MACROD2: variants seen among roughly 807,000 people sequenced by gnomAD.
The protein encoded by MACROD2 is mono-ADP ribosylhydrolase 2.
MACROD2 carries 36 observed loss-of-function variants against 70.4 expected under a neutral mutation model. That is an observed-to-expected ratio of 0.51 (90% CI 0.39 to 0.68). The LOEUF is 0.68. Among genes scored for constraint, MACROD2 ranks in the 30% least tolerant of loss-of-function variants. The pLI is 0.00. For missense variants in MACROD2, 496 were observed against 538.4 expected (o/e 0.92, Z 0.78); for synonymous variants, 172 against 178.8 (o/e 0.96, Z 0.30).
intron 5 of MACROD2, among the ~76,000 whole-genome samples, chr20:14,776,602 A>G (rs1204065355): frequency 2.0e-5 from 3 of 152,118 alleles, no homozygotes; most frequent in African/African-American, 7.2e-5. Context: ...TGATGAACCC[A>G]TTAGATGCCT....
intron 3 of MACROD2, among the ~76,000 whole-genome samples, chr20:14,244,969 C>A: frequency 6.6e-6 from 1 of 152,146 alleles, no homozygotes; most frequent in African/African-American, 2.4e-5. Context: ...CTGCTTTCAG[C>A]CATAGAGAAA....
intron 8 of MACROD2, among the ~76,000 whole-genome samples, chr20:15,834,518 C>G (rs537932765): frequency 6.6e-6 from 1 of 152,280 alleles, no homozygotes; most frequent in Non-Finnish European, 1.5e-5. Context: ...TCACCCCTCT[C>G]CCTTTGTGCT....
At chr20:15,917,619 C>T (rs573751827) in intron 10 of MACROD2, among the ~76,000 whole-genome samples, 1 of 152,192 alleles carries the variant, frequency 6.6e-6, no homozygotes, top group African/African-American at 2.4e-5. Context: ...CAGCATGCCT[C>T]GTGAATGACA....
At chr20:15,014,868 G>A (rs1160409610) in intron 5 of MACROD2, among the ~76,000 whole-genome samples, 1 of 151,990 alleles carries the variant, frequency 6.6e-6, no homozygotes, top group Admixed American at 6.6e-5. Context: ...ATATGATATT[G>A]ATGTTGTCCA....
Position 15,936,012 on chromosome 20 carries a change from T to C in MACROD2, c.839-1464T>C, listed in dbSNP as rs146049522. On this transcript the variant is annotated intron_variant, in intron 11 of 17. Transcript: ENST00000684519. ...AGGACACCTGACCTGCAAGTAATAG[T>C]ACATGCATCATGGACAAAAGATAGG... is the stretch of plus-strand genomic sequence containing the variant. Among the ~76,000 whole-genome samples the C allele has an allele frequency of 1.8e-3, 275 of 152,246 alleles. 2 individuals are homozygous for C. Among genetic ancestry groups the C allele is most frequent in the African/African-American group, 6.3e-3 (260 of 41,542 alleles).
At chr20:14,416,962 C>T (rs938459593) in intron 3 of MACROD2, among the ~76,000 whole-genome samples, 2 of 152,156 alleles carry the variant, frequency 1.3e-5, no homozygotes, top group African/African-American at 4.8e-5. Flanking sequence ...GCTTCAAAAA[C>T]TTTTAGCAAC....
At chr20:15,024,547 A>G (rs2075214980) in intron 5 of MACROD2, among the ~76,000 whole-genome samples, 2 of 152,032 alleles carry the variant, frequency 1.3e-5, no homozygotes, top group Non-Finnish European at 2.9e-5. Context: ...ATATCATAAT[A>G]AAAAACATTT....
intron 5 of MACROD2, among the ~76,000 whole-genome samples, chr20:14,730,018 T>A (rs376316149): frequency 1.8e-4 from 28 of 152,114 alleles, no homozygotes; most frequent in African/African-American, 6.5e-4. Context: ...AAATAATAAA[T>A]TTTGAAGAGC....
At chr20:15,819,302 TA>T (rs909877926) in intron 8 of MACROD2, among the ~76,000 whole-genome samples, 12 of 142,676 alleles carry the variant, frequency 8.4e-5, no homozygotes, top group African/African-American at 3.1e-4. Flanking sequence ...TATAAGTATA[TA>T]AATATATATA....
In MACROD2 at chr20:15,991,034, T is replaced by A. The variant is rs560702661; in HGVS notation, c.1153+3876T>A. Reference sequence around the variant, plus strand: ...AGTTATTGTACCCTATTGATAAAAATATAGAGGTGCCCTAGGCCAGGCAAA... The same window carrying A: ...AGTTATTGTACCCTATTGATAAAAAAATAGAGGTGCCCTAGGCCAGGCAAA... On this transcript the variant is annotated intron_variant, in intron 15 of 17. Coordinates refer to ENST00000684519, the MANE Select transcript of MACROD2 (RefSeq NM_001351661.2). Among the ~76,000 whole-genome samples, 7 of 140,482 alleles carry A rather than the reference T, an allele frequency of 5.0e-5. No individual in the cohort carries two copies. In the East Asian group the frequency reaches 1.4e-3, roughly 29 times the overall value. The allele number at this position is 140,482 out of a possible 152,430, so 92.2% of individuals were successfully genotyped here.
chr20:15,126,120 T>A (rs2076064963), intron 5 of MACROD2, among the ~76,000 whole-genome samples: 1 of 149,942 alleles, frequency 6.7e-6, no homozygotes, highest in Non-Finnish European at 1.5e-5. Context: ...ACTTTTTTTT[T>A]TTTTTTTTTT....
At chr20:15,999,825 G>C (rs1382625171) in intron 15 of MACROD2, among the ~76,000 whole-genome samples, 1 of 152,184 alleles carries the variant, frequency 6.6e-6, no homozygotes, top group Non-Finnish European at 1.5e-5. Flanking sequence ...GTCAATAAAA[G>C]CTAGAATGGT....
chr20:14,569,912 T>A (rs979359631), intron 4 of MACROD2, among the ~76,000 whole-genome samples: 1 of 152,020 alleles, frequency 6.6e-6, no homozygotes, highest in African/African-American at 2.4e-5. Flanking sequence ...TGGGAGGAAC[T>A]GAGATTCTTT....
intron 8 of MACROD2, among the ~76,000 whole-genome samples, chr20:15,673,600 AT>A (rs1377102157): frequency 6.6e-6 from 1 of 152,202 alleles, no homozygotes; most frequent in Non-Finnish European, 1.5e-5. Context: ...TCCCAGAGAT[AT>A]TTTGAATATC....
intron 3 of MACROD2, among the ~76,000 whole-genome samples, chr20:14,226,599 G>A (rs958976175): frequency 6.6e-6 from 1 of 152,280 alleles, no homozygotes; most frequent in Non-Finnish European, 1.5e-5. Flanking sequence ...CCGCGCACTC[G>A]GAGCAGCCGG....
intron 8 of MACROD2, among the ~76,000 whole-genome samples, chr20:15,617,548 A>G (rs1379392526): frequency 6.6e-6 from 1 of 152,256 alleles, no homozygotes; most frequent in Non-Finnish European, 1.5e-5. Context: ...GAATGTGTTT[A>G]TACAGACAGG....
intron 3 of MACROD2, among the ~76,000 whole-genome samples, chr20:14,128,569 G>T (rs2054680462): frequency 6.6e-6 from 1 of 152,204 alleles, no homozygotes; most frequent in Non-Finnish European, 1.5e-5. Flanking sequence ...GATAATTGAT[G>T]AAGGTGGTTA....
intron 7 of MACROD2, among the ~76,000 whole-genome samples, chr20:15,461,015 T>TTTTTTTTTTA (rs1481565038): frequency 7.3e-6 from 1 of 137,192 alleles, no homozygotes; most frequent in Non-Finnish European, 1.6e-5. Context: ...TATTTTTTTT[T>TTTTTTTTTTA]AATAGATGGG....
chr20:14,309,967 ACT>A (rs2082552107), intron 3 of MACROD2, among the ~76,000 whole-genome samples: 1 of 151,824 alleles, frequency 6.6e-6, no homozygotes. Context: ...TAGATTCCAG[ACT>A]CTTCAGTTTT....
Sources: allele counts gnomAD v4.1 joint callset (sites outside exome capture counted in the v4.1 genomes callset), GRCh38; gene constraint gnomAD v4.1.1; transcripts MANE v1.5; gene names NCBI Gene and HGNC (gene_info 2026-07-23, HGNC 2026-07-21).